POLA2: variants seen among roughly 807,000 people sequenced by gnomAD.
POLA2 encodes the protein DNA polymerase alpha subunit B.
POLA2 carries 47 observed loss-of-function variants against 82.8 expected under a neutral mutation model. That is an observed-to-expected ratio of 0.57 (90% CI 0.45 to 0.72). The LOEUF (loss-of-function observed/expected upper bound fraction) is 0.72. Ranked by LOEUF, POLA2 falls within the 30% of genes least tolerant of loss-of-function variation. The pLI is 0.00. For missense variants in POLA2, 634 were observed against 728.1 expected, an observed-to-expected ratio of 0.87 and a Z score of 1.49; for synonymous variants, 287 against 286.8, an observed-to-expected ratio of 1.00 and a Z score of -0.01.
At chr11:65,288,892 C>T (rs564179925) in intron 11 of POLA2, among the ~76,000 whole-genome samples, 158 bp from the exon 12 acceptor site, 71 of 152,342 alleles carry the variant, frequency 4.7e-4, no homozygotes, top group African/African-American at 1.5e-3. Context: ...CTTGGCGCCC[C>T]GCCAGCCCAT....
chr11:65,302,835 C>T (rs1249100662), downstream of POLA2, among the ~76,000 whole-genome samples: 1 of 151,926 alleles, frequency 6.6e-6, no homozygotes, highest in African/African-American at 2.4e-5. Flanking sequence ...TCAAGTGATC[C>T]TCTTGCATCC....
chr11:65,268,735 T>C lies in POLA2; in HGVS notation c.354+6T>C. ...CTTACACCACACCTTCAAAGGTAAG[T>C]AAACAGTGTTTGGACATTGCATTTT... On this transcript the variant is annotated splice_donor_region_variant and intron_variant, in intron 4 of 17. Coordinates refer to ENST00000265465, the MANE Select transcript of POLA2 (RefSeq NM_002689.4). The C allele has an allele frequency of 6.4e-7, 1 of 1,560,962 alleles. No individual in the cohort carries two copies. Among genetic ancestry groups the C allele is most frequent in the Non-Finnish European group, 8.7e-7 (1 of 1,146,794 alleles).
downstream of POLA2, chr11:65,298,823 C>T (rs1391032129): frequency 6.6e-6 from 1 of 152,210 alleles, no homozygotes; most frequent in African/African-American, 2.4e-5. Context: ...CTGTGTTCCA[C>T]GGGGGCACCA....
exon 9 of POLA2, chr11:65,305,575 A>G (rs1949883279): frequency 2.8e-6 from 1 of 363,458 alleles, no homozygotes; most frequent in South Asian, 2.1e-5. Flanking sequence ...GCAGGAGGCC[A>G]AGGCGGGAGG....
chr11:65,288,580 C>G (rs1172182498), intron 11 of POLA2, among the ~76,000 whole-genome samples: 1 of 141,752 alleles, frequency 7.1e-6, no homozygotes, highest in African/African-American at 2.6e-5. Context: ...GGTGCGATCT[C>G]GGCTCACTAT....
rs1173098092 is a variant in POLA2, at chr11:65,287,732, G to GGT, written c.1024_1025dup (p.Leu343SerfsTer22). On this transcript the variant is annotated frameshift_variant, in exon 11 of 18. Coordinates refer to ENST00000265465, the MANE Select transcript of POLA2 (RefSeq NM_002689.4). LOFTEE classifies it high-confidence loss of function. ...CTGTCTTAGACTTTGAGCAAAGCAT[G>GGT]GTCCTGGTTGCCTGTGGACCATACA... 1 of 1,613,292 alleles carries GGT rather than the reference G, an allele frequency of 6.2e-7. No homozygotes were observed. The highest frequency in any genetic ancestry group is 8.5e-7 in the Non-Finnish European group (1 of 1,179,670).
At chr11:65,264,486 G>A (rs956092347) in intron 1 of POLA2, among the ~76,000 whole-genome samples, 2 of 152,138 alleles carry the variant, frequency 1.3e-5, no homozygotes, top group Admixed American at 6.6e-5. Context: ...ATTACACTGC[G>A]CCAGGCCCCT....
Position 65,297,737 on chromosome 11 carries a change from G to A in POLA2, c.*468G>A. 6.6e-6 allele frequency: 1 copy of A among 150,818 alleles called. No homozygotes were observed. The highest frequency in any genetic ancestry group is 1.5e-5 in the Non-Finnish European group (1 of 67,704). The allele number at this position is 150,818 out of a possible 1,614,324, so 9.3% of individuals were successfully genotyped here. ...GAGATCTCGGCTCACTGCAAGCTCT[G>A]CCGCCCGGGTTCATGCCATTCTCCT... On this transcript the variant is annotated 3_prime_UTR_variant, in exon 18 of 18. Transcript: ENST00000265465.
intron 13 of POLA2, among the ~76,000 whole-genome samples, chr11:65,293,163 C>A (rs928124706): frequency 2.6e-5 from 4 of 152,004 alleles, no homozygotes; most frequent in African/African-American, 9.7e-5. Context: ...AAACTCAGGG[C>A]ATTATTTCCA....
At chr11:65,268,765 G>A in intron 4 of POLA2, 36 bp downstream of exon 4, 4 of 1,356,550 alleles carry the variant, frequency 2.9e-6, no homozygotes, top group Non-Finnish European at 4.1e-6. Flanking sequence ...CATTTTACAA[G>A]TAACATTTTA....
intron 4 of POLA2, among the ~76,000 whole-genome samples, chr11:65,275,440 TCTGC>T (rs1384609486): frequency 3.3e-5 from 5 of 151,942 alleles, no homozygotes; most frequent in Admixed American, 1.3e-4. Context: ...AACCTTGTTA[TCTGC>T]CTGGAGTCAT....
chr11:65,302,243 G>A (rs566035413), downstream of POLA2, among the ~76,000 whole-genome samples: 1 of 152,322 alleles, frequency 6.6e-6, no homozygotes, highest in East Asian at 1.9e-4. Flanking sequence ...GAAGCATTTT[G>A]GGCTGAGCAT....
intron 14 of POLA2, 139 bp from the exon 15 acceptor site, chr11:65,294,407 A>G (rs1949788062): frequency 1.0e-6 from 1 of 974,088 alleles, no homozygotes; most frequent in Non-Finnish European, 1.6e-6. Context: ...AAACAGGCAA[A>G]TGTGTCCAAA....
At chr11:65,276,073 A>T in intron 5 of POLA2, 75 bp downstream of exon 5, 1 of 768,066 alleles carries the variant, frequency 1.3e-6, no homozygotes, top group Non-Finnish European at 2.1e-6. Context: ...GAGGAAGGCT[A>T]ACAGCAGAGT....
intron 5 of POLA2, 33 bp from the exon 6 acceptor site, chr11:65,278,697 A>G: frequency 1.3e-6 from 2 of 1,549,566 alleles, no homozygotes; most frequent in Non-Finnish European, 1.8e-6. Flanking sequence ...AGATATGAAC[A>G]CAGTAATATT....
chr11:65,298,337 C>T lies in POLA2; in HGVS notation c.*1068C>T, dbSNP rs1223268449. 6.6e-6 allele frequency: 1 copy of T among 152,352 alleles called. No individual in the cohort carries two copies. Among genetic ancestry groups the T allele is most frequent in the African/African-American group, 2.4e-5 (1 of 41,462 alleles). The allele number at this position is 152,352 out of a possible 1,614,324, so 9.4% of individuals were successfully genotyped here. A position where few individuals can be genotyped will look rare whatever the true frequency, so the allele number is the denominator to read the frequency against. On this transcript the variant is annotated 3_prime_UTR_variant, in exon 18 of 18. Coordinates refer to ENST00000265465, the MANE Select transcript of POLA2 (RefSeq NM_002689.4). ...CGCAGTAGCCAGGGCTTGCCTGCAG[C>T]CCAGAACACTCAGACAGGGTCAGGC...
Position 65,279,627 on chromosome 11 carries a change from G to T in POLA2, c.744+1G>T. 1 of 1,602,998 alleles carries T rather than the reference G, an allele frequency of 6.2e-7. No homozygotes were observed. The highest frequency in any genetic ancestry group is 2.2e-5 in the East Asian group (1 of 44,798). On this transcript the variant is annotated splice_donor_variant, in intron 7 of 17. Transcript: ENST00000265465. LOFTEE classifies it high-confidence loss of function. ...CACTCCTTTGCTAGCCCCAGCACAG[G>T]TAAGAGTTGTTCTAATAGTTCTCAC... is the stretch of plus-strand genomic sequence containing the variant.
intron 5 of POLA2, among the ~76,000 whole-genome samples, chr11:65,277,073 G>A (rs2137531484): frequency 6.6e-6 from 1 of 152,060 alleles, no homozygotes; most frequent in Admixed American, 6.5e-5. Context: ...TCAAGCATGT[G>A]CCACTGCTCT....
chr11:65,297,128 C>T lies in POLA2; in HGVS notation c.1656C>T (p.Leu552=), dbSNP rs370926282. 1.2e-5 allele frequency: 20 copies of T among 1,613,818 alleles called. No homozygotes were observed. Among genetic ancestry groups the T allele is most frequent in the East Asian group, 2.2e-5 (1 of 44,896 alleles). Residue 552 remains leucine, a synonymous_variant, in exon 18 of 18, where the codon CTC becomes CTT. Transcript: ENST00000265465. ...SELRYFVKDV[L]GCVCVNPGRL... ...TCTCCTCTCCTCCCCAGGATGTCCTCGGCTGTGTCTGTGTGAACCCTGGGC... is the reference window on the plus strand; with the variant it reads ...TCTCCTCTCCTCCCCAGGATGTCCTTGGCTGTGTCTGTGTGAACCCTGGGC...
Sources: allele counts gnomAD v4.1 joint callset (sites outside exome capture counted in the v4.1 genomes callset), GRCh38; gene constraint gnomAD v4.1.1; transcripts MANE v1.5; gene names NCBI Gene and HGNC (gene_info 2026-07-23, HGNC 2026-07-21).